The following SORBS2 variants were observed in gnomAD, a reference collection of about 807,000 sequenced individuals.
The protein encoded by SORBS2 is sorbin and SH3 domain-containing protein 2.
SORBS2 carries 46 observed loss-of-function variants against 97.7 expected under a neutral mutation model. The ratio of observed to expected loss-of-function variants is 0.47; its 90% CI spans 0.37 to 0.60. The LOEUF (loss-of-function observed/expected upper bound fraction) is 0.60, where lower values mean the gene tolerates loss of function less well. Ranked by LOEUF, SORBS2 falls within the 20% of genes least tolerant of loss-of-function variation. The pLI is 0.00. For missense variants in SORBS2, 1,316 were observed against 1,282.3 expected, an observed-to-expected ratio of 1.03 and a Z score of -0.40; for synonymous variants, 476 against 473.4, an observed-to-expected ratio of 1.01 and a Z score of -0.07.
At chr4:185,718,219 T>C (rs910483111) in intron 2 of SORBS2, among the ~76,000 whole-genome samples, 5 of 151,846 alleles carry the variant, frequency 3.3e-5, no homozygotes, top group Middle Eastern at 6.8e-3. Flanking sequence ...TGTCAGAGTG[T>C]CTGTCTCAAA....
chr4:185,918,999 A>G (rs1162154447), intron 1 of SORBS2, among the ~76,000 whole-genome samples: 1 of 152,210 alleles, frequency 6.6e-6, no homozygotes, highest in African/African-American at 2.4e-5. Context: ...GGGCAGAAGA[A>G]AAGCTTTGTA....
chr4:185,603,131 A>G (rs2096306168), intron 12 of SORBS2, among the ~76,000 whole-genome samples: 1 of 152,194 alleles, frequency 6.6e-6, no homozygotes, highest in Admixed American at 6.5e-5. Flanking sequence ...ACCTTTTTAA[A>G]TCCTGGCTTT....
intron 1 of SORBS2, among the ~76,000 whole-genome samples, chr4:185,844,256 C>T (rs767816268): frequency 5.3e-5 from 8 of 152,158 alleles, no homozygotes; most frequent in African/African-American, 7.2e-5. Context: ...ATAAAGCTAA[C>T]AACAGAAAGA....
chr4:185,739,054 A>G (rs2098706373), intron 2 of SORBS2, among the ~76,000 whole-genome samples: 1 of 152,254 alleles, frequency 6.6e-6, no homozygotes, highest in South Asian at 2.1e-4. Flanking sequence ...TGAGCTGTCA[A>G]GGTTCATAGC....
chr4:185,726,889 C>G (rs2098557529), intron 2 of SORBS2, among the ~76,000 whole-genome samples: 1 of 152,096 alleles, frequency 6.6e-6, no homozygotes, highest in African/African-American at 2.4e-5. Flanking sequence ...CACATTTGGG[C>G]ATGCATCTTT....
chr4:185,651,630 T>C lies in SORBS2; in HGVS notation c.91+1032A>G, dbSNP rs186134703. 7.9e-5 allele frequency among the ~76,000 whole-genome samples: 12 copies of C among 152,292 alleles called. No individual in the cohort carries two copies. In the East Asian group the frequency reaches 2.3e-3, roughly 29 times the overall value. On this transcript the variant is annotated intron_variant, in intron 2 of 14. Coordinates refer to ENST00000418609, the Ensembl canonical transcript of SORBS2. ...TCCATGAGAAAAGTCAATCCTTTTGTTATGCACGCTCTGAGAAAAGAAAAG... is the reference window on the plus strand; with the variant it reads ...TCCATGAGAAAAGTCAATCCTTTTGCTATGCACGCTCTGAGAAAAGAAAAG...
chr4:185,955,355 T>C (rs2099279054), intron 1 of SORBS2, among the ~76,000 whole-genome samples: 1 of 152,212 alleles, frequency 6.6e-6, no homozygotes, highest in African/African-American at 2.4e-5. Context: ...AGAAACTGAA[T>C]CTTGCCTACT....
chr4:185,587,155 G>A (rs1168941765), exon 15 of SORBS2: 1 of 167,084 alleles, frequency 6.0e-6, no homozygotes, highest in African/African-American at 2.4e-5. Flanking sequence ...GCAAACTTGT[G>A]AAAAGAATAC....
intron 1 of SORBS2, among the ~76,000 whole-genome samples, chr4:185,817,593 T>A (rs1251725926): frequency 6.6e-6 from 1 of 152,176 alleles, no homozygotes; most frequent in Non-Finnish European, 1.5e-5. Flanking sequence ...CCGGGCAACG[T>A]GCCACCCTAC....
chr4:185,936,111 G>A (rs996835072), intron 1 of SORBS2, among the ~76,000 whole-genome samples: 6 of 152,158 alleles, frequency 3.9e-5, no homozygotes, highest in African/African-American at 7.2e-5. Flanking sequence ...AGCCCGACTC[G>A]GCCTCCCAAA....
chr4:185,954,370 TTTAA>T (rs1228146104), intron 1 of SORBS2, among the ~76,000 whole-genome samples: 2 of 152,076 alleles, frequency 1.3e-5, no homozygotes. Context: ...AACTTTGAAT[TTTAA>T]TTTTGTATTA....
At chr4:185,777,977 T>G (rs762694568) in intron 1 of SORBS2, among the ~76,000 whole-genome samples, 9 of 152,214 alleles carry the variant, frequency 5.9e-5, no homozygotes, top group Non-Finnish European at 1.3e-4. Flanking sequence ...ACATGTAAAC[T>G]ATCATATCAT....
chr4:185,933,909 C>A (rs1177688985), intron 1 of SORBS2, among the ~76,000 whole-genome samples: 3 of 152,150 alleles, frequency 2.0e-5, no homozygotes, highest in Admixed American at 1.3e-4. Context: ...AGCTTAGGAA[C>A]ATAAGTTGAC....
At chr4:185,911,025 A>C (rs547519941) in intron 1 of SORBS2, among the ~76,000 whole-genome samples, 1 of 152,266 alleles carries the variant, frequency 6.6e-6, no homozygotes, top group East Asian at 1.9e-4. Flanking sequence ...TAATATTCAG[A>C]ATAACCTCAC....
chr4:185,838,318 C>A (rs887353669), intron 1 of SORBS2, among the ~76,000 whole-genome samples: 1 of 152,250 alleles, frequency 6.6e-6, no homozygotes, highest in Non-Finnish European at 1.5e-5. Flanking sequence ...CATCTCCTCA[C>A]GCTGTGGGTT....
chr4:185,741,881 T>G (rs1167789303), intron 2 of SORBS2, among the ~76,000 whole-genome samples: 2 of 152,228 alleles, frequency 1.3e-5, no homozygotes, highest in Non-Finnish European at 2.9e-5. Context: ...AGGGTGCTCG[T>G]GGCCTCCCGC....
chr4:185,852,644 G>A (rs1477252962), intron 1 of SORBS2, among the ~76,000 whole-genome samples: 1 of 152,148 alleles, frequency 6.6e-6, no homozygotes, highest in Non-Finnish European at 1.5e-5. Flanking sequence ...TTGCACTTCA[G>A]ATGGAATTTG....
chr4:185,687,231 T>A (rs1481054639), intron 2 of SORBS2, among the ~76,000 whole-genome samples: 2 of 152,132 alleles, frequency 1.3e-5, no homozygotes, highest in Non-Finnish European at 2.9e-5. Flanking sequence ...TCTCACTATG[T>A]TGCCCAGGCT....
intron 2 of SORBS2, among the ~76,000 whole-genome samples, chr4:185,679,610 C>G (rs561828788): frequency 6.6e-6 from 1 of 152,074 alleles, no homozygotes; most frequent in Non-Finnish European, 1.5e-5. Context: ...GCTTGTGTTG[C>G]CTGGTTTATT....
Sources: gnomAD v4.1 joint callset for allele counts (sites outside exome capture counted in the v4.1 genomes callset) on GRCh38, gnomAD v4.1.1 for gene constraint, MANE v1.5 for transcripts, NCBI Gene and HGNC (gene_info 2026-07-23, HGNC 2026-07-21) for gene names.